Variants in FAT4 observed in about 807,000 individuals in gnomAD.
FAT4 encodes the protein FAT atypical cadherin 4, also known as protocadherin Fat 4.
In FAT4, 84 loss-of-function variants were observed where a neutral mutation model predicts 303.9. That is an observed-to-expected ratio of 0.28 (90% CI 0.23 to 0.33). The LOEUF is 0.33. Ranked by LOEUF, FAT4 falls within the 10% of genes least tolerant of loss-of-function variation. The pLI, the probability that FAT4 is intolerant of heterozygous loss-of-function variation, is 1.00. For missense variants in FAT4, 6,005 were observed against 6,146.8 expected, an observed-to-expected ratio of 0.98 and a Z score of 0.77; for synonymous variants, 2,307 against 2,298.8, an observed-to-expected ratio of 1.00 and a Z score of -0.10.
At chr4:125,362,085 C>T (rs1018755103) in intron 2 of FAT4, among the ~76,000 whole-genome samples, 1 of 152,138 alleles carries the variant, frequency 6.6e-6, no homozygotes, top group African/African-American at 2.4e-5. Context: ...CCCTCTCTCA[C>T]TAGATGTTCT....
At chr4:125,393,993 G>C in intron 2 of FAT4, 1 of 780,122 alleles carries the variant, frequency 1.3e-6, no homozygotes, top group Non-Finnish European at 2.4e-6. Flanking sequence ...AGCTGCAGCT[G>C]AAGTGTTTAT....
At chr4:125,344,723 G>C (rs1731933000) in intron 2 of FAT4, among the ~76,000 whole-genome samples, 1 of 152,008 alleles carries the variant, frequency 6.6e-6, no homozygotes, top group African/African-American at 2.4e-5. Flanking sequence ...TCCAGGTAGA[G>C]TTAGTCTCTT....
intron 8 of FAT4, among the ~76,000 whole-genome samples, chr4:125,444,046 A>G (rs1257397139): frequency 6.6e-6 from 1 of 152,178 alleles, no homozygotes; most frequent in Admixed American, 6.6e-5. Flanking sequence ...TTGCTCATTC[A>G]TTTTAAAAAA....
intron 9 of FAT4, among the ~76,000 whole-genome samples, chr4:125,447,051 A>G (rs1725851150): frequency 6.6e-6 from 1 of 152,042 alleles, no homozygotes; most frequent in South Asian, 2.1e-4. Context: ...GTTAATATTT[A>G]TTTTATTCCA....
intron 2 of FAT4, among the ~76,000 whole-genome samples, chr4:125,350,356 G>A (rs1732174564): frequency 6.6e-6 from 1 of 151,672 alleles, no homozygotes; most frequent in South Asian, 2.1e-4. Flanking sequence ...CTTACAATGT[G>A]CTGTCATTTC....
chr4:125,404,417 T>C (rs1048201954), intron 3 of FAT4, among the ~76,000 whole-genome samples: 1 of 152,176 alleles, frequency 6.6e-6, no homozygotes, highest in Non-Finnish European at 1.5e-5. Flanking sequence ...TCAAAAAATA[T>C]ACCGATACTC....
rs191806282 is a variant in FAT4, at chr4:125,350,546, T to C, written c.5175+28960T>C. Reference sequence around the variant, plus strand: ...GACTAGGAAGGAAGTATGTGTTGTATAGTCAGTGCTTCAGAGTTGGTAGAT... The same window carrying C: ...GACTAGGAAGGAAGTATGTGTTGTACAGTCAGTGCTTCAGAGTTGGTAGAT... On this transcript the variant is annotated intron_variant, in intron 2 of 17. Transcript: ENST00000394329. Among the ~76,000 whole-genome samples the C allele has an allele frequency of 9.9e-5, 15 of 151,880 alleles. No individual in the cohort carries two copies. The East Asian group carries it at 2.9e-3, about 29-fold the overall frequency.
chr4:125,450,962 A>G lies in FAT4; in HGVS notation c.9952A>G (p.Ile3318Val), dbSNP rs768940391. 3.1e-6 allele frequency: 5 copies of G among 1,614,110 alleles called. No homozygotes were observed. The Admixed American group carries it at 6.7e-5, about 22-fold the overall frequency. Residue 3318 changes from isoleucine to valine, a missense_variant, in exon 10 of 18, where the codon ATT becomes GTT. Ile to Val is a conservative substitution (Grantham distance 29, BLOSUM62 3). Coordinates refer to ENST00000394329, the MANE Select transcript of FAT4 (RefSeq NM_001291303.3). ...EISEAAPKGT[I>V]VGEVFASDRD... is the part of the protein sequence containing the mutation. ...CTCAGAAGCAGCTCCTAAAGGTACTATTGTTGGAGAAGTGTTTGCTAGCGA... is the reference window on the plus strand; with the variant it reads ...CTCAGAAGCAGCTCCTAAAGGTACTGTTGTTGGAGAAGTGTTTGCTAGCGA...
intron 2 of FAT4, among the ~76,000 whole-genome samples, chr4:125,363,753 C>CA (rs1335221029): frequency 6.6e-6 from 1 of 152,052 alleles, no homozygotes; most frequent in Non-Finnish European, 1.5e-5. Context: ...CTTGGCCTCT[C>CA]AAAGTACTGG....
In FAT4 at chr4:125,451,945, G is replaced by A. The variant is rs758367201; in HGVS notation, c.10935G>A (p.Val3645=). ...CTGTGAAGCCACAGGATCCAGATGT[G>A]TTAGACAGCTTCCACTGCTCCCTTA... ...LGSVKPQDPD[V]LDSFHCSLTS... is the part of the protein sequence containing the mutation. The change falls in exon 10 of 18, where the codon GTG becomes GTA. Residue 3645 remains valine, a synonymous_variant. Coordinates refer to ENST00000394329, the MANE Select transcript of FAT4 (RefSeq NM_001291303.3). 2.5e-6 allele frequency: 4 copies of A among 1,614,026 alleles called. No homozygotes were observed. The highest frequency in any genetic ancestry group is 2.2e-5 in the East Asian group (1 of 44,878).
At position 125,408,576 on chromosome 4, in the gene FAT4, C is replaced by T; in HGVS notation, c.5702C>T (p.Thr1901Ile). The change falls in exon 5 of 18, where the codon ACT (threonine) becomes ATT (isoleucine). Residue 1901 changes from threonine (T) to isoleucine (I), a missense_variant. Coordinates refer to ENST00000394329, the MANE Select transcript of FAT4 (RefSeq NM_001291303.3). ...CCTATTACTGGGGTCTTTAATTTGA[C>T]TCGATTATTAGATTATGAAGTACAG... ...LNPITGVFNLTRLLDYEVQQY... is the reference protein window; with the variant it reads ...LNPITGVFNLIRLLDYEVQQY... The T allele has an allele frequency of 1.2e-6, 2 of 1,612,746 alleles. No homozygotes were observed. The highest frequency in any genetic ancestry group is 1.7e-6 in the Non-Finnish European group (2 of 1,179,270).
intron 2 of FAT4, among the ~76,000 whole-genome samples, chr4:125,388,309 T>A (rs1356263115): frequency 1.3e-5 from 2 of 152,196 alleles, no homozygotes; most frequent in Non-Finnish European, 2.9e-5. Flanking sequence ...CCGTAGTTTG[T>A]ACCTTTAATA....
intron 10 of FAT4, among the ~76,000 whole-genome samples, chr4:125,458,556 T>A (rs1418758410): frequency 6.6e-6 from 1 of 151,962 alleles, no homozygotes; most frequent in Non-Finnish European, 1.5e-5. Flanking sequence ...CAATTATTTT[T>A]ATTTAATTTG....
At chr4:125,437,183 TGA>T (rs1725484954) in intron 8 of FAT4, among the ~76,000 whole-genome samples, 1 of 151,886 alleles carries the variant, frequency 6.6e-6, no homozygotes, top group South Asian at 2.1e-4. Flanking sequence ...CAATTCAGGG[TGA>T]GATTTGAGTG....
intron 2 of FAT4, among the ~76,000 whole-genome samples, chr4:125,327,623 T>G (rs1731209220): frequency 6.6e-6 from 1 of 152,260 alleles, no homozygotes; most frequent in African/African-American, 2.4e-5. Flanking sequence ...ATGTTCATGC[T>G]GCATATTTTA....
chr4:125,339,188 G>T (rs1731681127), intron 2 of FAT4, among the ~76,000 whole-genome samples: 1 of 151,668 alleles, frequency 6.6e-6, no homozygotes. Context: ...TTTTGAGACG[G>T]AGTCTTGCCC....
intron 8 of FAT4, among the ~76,000 whole-genome samples, chr4:125,437,316 G>A (rs1341830944): frequency 6.6e-6 from 1 of 152,190 alleles, no homozygotes; most frequent in Admixed American, 6.5e-5. Flanking sequence ...TCTCCAAGGA[G>A]ACTAGGAGTT....
chr4:125,473,744 C>A (rs1726938391), intron 12 of FAT4, among the ~76,000 whole-genome samples: 1 of 151,848 alleles, frequency 6.6e-6, no homozygotes, highest in African/African-American at 2.4e-5. Flanking sequence ...GCATTTGATT[C>A]TATCAGACAA....
intron 7 of FAT4, among the ~76,000 whole-genome samples, chr4:125,417,986 G>A (rs1213063380): frequency 6.6e-6 from 1 of 152,072 alleles, no homozygotes; most frequent in Non-Finnish European, 1.5e-5. Context: ...ACTTTTTTCA[G>A]GAGAATGTGA....
Sources: allele counts gnomAD v4.1 joint callset (sites outside exome capture counted in the v4.1 genomes callset), GRCh38; gene constraint gnomAD v4.1.1; transcripts MANE v1.5; gene names NCBI Gene and HGNC (gene_info 2026-07-23, HGNC 2026-07-21).